TPP2: variants seen among roughly 807,000 people sequenced by gnomAD.
TPP2 encodes tripeptidyl-peptidase 2.
Under a neutral mutation model 155.9 loss-of-function variants are expected in TPP2, and 34 were observed. The observed-to-expected ratio is 0.22, with a 90% CI of 0.17 to 0.29. The LOEUF is 0.29. Ranked by LOEUF, TPP2 falls within the 10% of genes least tolerant of loss-of-function variation. The probability of loss-of-function intolerance (pLI) is 1.00; values close to 1 mark genes in which losing one functional copy is unlikely to be tolerated. For synonymous variants in TPP2, 510 were observed against 529.4 expected, an observed-to-expected ratio of 0.96 and a Z score of 0.50; for missense variants, 1,028 against 1,522.3, an observed-to-expected ratio of 0.68 and a Z score of 5.40.
At position 102,643,312 on chromosome 13, in the gene TPP2, A is replaced by G; in HGVS notation, c.2111A>G (p.His704Arg). ...GTGAAGCAAAGAGCATATCGAAGCC[A>G]TGAATTCTATAAGTTTTGTTCTCTT... ...QLVKQRAYRSHEFYKFCSLPE... is the reference protein window; with the variant it reads ...QLVKQRAYRSREFYKFCSLPE... Residue 704 changes from histidine to arginine, a missense_variant, in exon 17 of 30, where the codon CAT becomes CGT. Coordinates refer to ENST00000376052, the MANE Select transcript of TPP2 (RefSeq NM_001330588.2). 2 of 1,613,438 alleles carry G rather than the reference A, an allele frequency of 1.2e-6. No homozygotes were observed. Among genetic ancestry groups the G allele is most frequent in the African/African-American group, 1.3e-5 (1 of 75,016 alleles).
At chr13:102,616,640 T>C (rs1374708214) in intron 4 of TPP2, 140 bp downstream of exon 4, 2 of 628,016 alleles carry the variant, frequency 3.2e-6, no homozygotes, top group Non-Finnish European at 5.0e-6. Flanking sequence ...TACTAATTTT[T>C]CCTTTATTAT....
chr13:102,637,013 A>T, intron 13 of TPP2, 69 bp from the exon 14 acceptor site: 1 of 1,504,782 alleles, frequency 6.6e-7, no homozygotes, highest in Non-Finnish European at 8.8e-7. Flanking sequence ...TTTTGGAAAG[A>T]TGTAACATTT....
At chr13:102,631,006 A>C (rs79608377) in intron 10 of TPP2, among the ~76,000 whole-genome samples, 44 of 152,338 alleles carry the variant, frequency 2.9e-4, no homozygotes, top group African/African-American at 1.0e-3. Context: ...TGAGCCCTTC[A>C]TGGAGAAGAC....
At chr13:102,664,760 T>C (rs1293843148) in intron 26 of TPP2, 35 bp from the exon 27 acceptor site, 1 of 1,599,368 alleles carries the variant, frequency 6.3e-7, no homozygotes, top group African/African-American at 1.3e-5. Context: ...CTGATTGATA[T>C]ACCTATTTTT....
In TPP2 at chr13:102,634,079, C is replaced by T. The variant is rs1255698456; in HGVS notation, c.1374C>T (p.Gly458=). 2.5e-6 allele frequency: 4 copies of T among 1,614,090 alleles called. No individual in the cohort carries two copies. The part of the protein sequence containing the change: ...TSMSSPNACG[G]IALILSGLKA... ...TGTCTTCCCCCAATGCATGTGGAGG[C>T]ATTGCCCTGATCCTTTCAGGTAAGC... The change falls in exon 11 of 30, where the codon GGC becomes GGT. Residue 458 remains glycine (G), a synonymous_variant. Coordinates refer to ENST00000376052, the MANE Select transcript of TPP2 (RefSeq NM_001330588.2).
intron 25 of TPP2, among the ~76,000 whole-genome samples, chr13:102,657,566 A>G (rs1051144362): frequency 2.0e-5 from 3 of 152,064 alleles, no homozygotes; most frequent in Non-Finnish European, 4.4e-5. Flanking sequence ...CAGTGTGAAT[A>G]AAATTAGTTT....
intron 29 of TPP2, 98 bp downstream of exon 29, chr13:102,676,513 G>A (rs1243315993): frequency 1.4e-6 from 2 of 1,409,252 alleles, no homozygotes; most frequent in African/African-American, 2.9e-5. Context: ...AGCAATACTG[G>A]TTTTATTGTG....
rs756309670 is a variant in TPP2 at position 102,649,512 on chromosome 13, A to C, written c.2952+26A>C. 2.6e-6 allele frequency: 4 copies of C among 1,567,148 alleles called. No homozygotes were observed. The Admixed American group carries it at 5.6e-5, about 22-fold the overall frequency. ...GTAAGTATTAGTTTTTTAAACACTG[A>C]AATTACCTATTAAAAAATTTCATTT... is the stretch of plus-strand genomic sequence containing the variant. On this transcript the variant is annotated intron_variant, in intron 23 of 29. Transcript: ENST00000376052.
At position 102,678,205 on chromosome 13, in the gene TPP2, ATAT is replaced by A. The variant is rs1294041297; in HGVS notation, c.3700-17_3700-15del. On this transcript the variant is annotated intron_variant, in intron 29 of 29. Coordinates refer to ENST00000376052, the MANE Select transcript of TPP2 (RefSeq NM_001330588.2). ...AATCTGTCACTTCCTTTATAATAAT[ATAT>A]TATTGTATTTTGTTGTAGCTGATGA... 6.3e-7 allele frequency: 1 copy of A among 1,588,446 alleles called. No homozygotes were observed.
chr13:102,651,709 A>G (rs569999661), intron 24 of TPP2, among the ~76,000 whole-genome samples: 23 of 150,814 alleles, frequency 1.5e-4, no homozygotes, highest in African/African-American at 5.7e-4. Flanking sequence ...TTTCATATTT[A>G]CAATTTTATA....
At chr13:102,659,175 C>T (rs1364574307) in intron 25 of TPP2, among the ~76,000 whole-genome samples, 1 of 152,006 alleles carries the variant, frequency 6.6e-6, no homozygotes, top group Non-Finnish European at 1.5e-5. Context: ...CTCTCAAAAA[C>T]AGTGGAGAAA....
chr13:102,647,356 A>C lies in TPP2; in HGVS notation c.2628+12A>C, dbSNP rs1883177010. On this transcript the variant is annotated intron_variant, in intron 21 of 29. Coordinates refer to ENST00000376052, the MANE Select transcript of TPP2 (RefSeq NM_001330588.2). ...CCTATCCACATCAGGTATAAAATTG[A>C]TGGTGATTTTTAGAATTAACGGAAG... 6.2e-7 allele frequency: 1 copy of C among 1,603,494 alleles called. No individual in the cohort carries two copies. The highest frequency in any genetic ancestry group is 8.5e-7 in the Non-Finnish European group (1 of 1,176,022).
rs116365674 is a variant in TPP2 at position 102,607,529 on chromosome 13, A to G, written c.294+2608A>G. The G allele has an allele frequency of 8.4e-4, 187 of 223,920 alleles. 1 individual carries two copies. The highest frequency in any genetic ancestry group is 4.2e-3 in the African/African-American group (181 of 43,006). 13.9% of individuals were successfully genotyped at this position (223,920 alleles called of 1,614,324 possible). A position where few individuals can be genotyped will look rare whatever the true frequency, so the allele number is the denominator to read the frequency against. On this transcript the variant is annotated intron_variant, in intron 2 of 29. Transcript: ENST00000376052. ...GCTATGGTACTCTGAGAAGCTAGAG[A>G]GAATTCCTAGTAAGTCTTGCAGGCT... is the stretch of plus-strand genomic sequence containing the variant.
intron 5 of TPP2, 27 bp from the exon 6 acceptor site, chr13:102,622,850 C>T (rs1881259400): frequency 6.3e-7 from 1 of 1,580,156 alleles, no homozygotes; most frequent in South Asian, 1.2e-5. Flanking sequence ...ATAAATTTTA[C>T]TGTCTCCATT....
chr13:102,613,960 T>TA (rs1880516127), intron 2 of TPP2, 141 bp from the exon 3 acceptor site: 2 of 631,352 alleles, frequency 3.2e-6, no homozygotes, highest in South Asian at 4.6e-5. Context: ...CTTAGAGTAT[T>TA]AAACACGTTG....
At chr13:102,645,147 C>A (rs1390468585) in intron 19 of TPP2, 138 bp downstream of exon 19, 1 of 782,828 alleles carries the variant, frequency 1.3e-6, no homozygotes, top group Non-Finnish European at 2.0e-6. Context: ...CAGCAGATCT[C>A]TGCAAGGCAG....
intron 25 of TPP2, among the ~76,000 whole-genome samples, chr13:102,662,369 G>C (rs146047808): frequency 1.2e-4 from 19 of 152,256 alleles, no homozygotes; most frequent in Admixed American, 1.2e-3. Flanking sequence ...ATGCTAGAAA[G>C]CATTGAAATT....
intron 2 of TPP2, among the ~76,000 whole-genome samples, chr13:102,611,683 C>T (rs1032948008): frequency 1.3e-5 from 2 of 152,114 alleles, no homozygotes; most frequent in Admixed American, 6.6e-5. Flanking sequence ...AAGACATTTC[C>T]ACTAGCAGTG....
Position 102,597,264 on chromosome 13 carries a change from A to G in TPP2, c.165+61A>G, listed in dbSNP as rs1263220497. ...CGGGCGGCCGGGGACGCGGGTGGGGACACAGTCTCGGAGCCCGGCAGGCCA... is the reference window on the plus strand; with the variant it reads ...CGGGCGGCCGGGGACGCGGGTGGGGGCACAGTCTCGGAGCCCGGCAGGCCA... On this transcript the variant is annotated intron_variant, in intron 1 of 29. Transcript: ENST00000376052. 7.8e-6 allele frequency: 8 copies of G among 1,024,912 alleles called. No individual in the cohort carries two copies. The Admixed American group carries it at 3.4e-4, about 43-fold the overall frequency. The allele number at this position is 1,024,912 out of a possible 1,614,324, so 63.5% of individuals were successfully genotyped here.
Sources: gnomAD v4.1 joint callset for allele counts (sites outside exome capture counted in the v4.1 genomes callset) on GRCh38, gnomAD v4.1.1 for gene constraint, MANE v1.5 for transcripts, NCBI Gene and HGNC (gene_info 2026-07-23, HGNC 2026-07-21) for gene names.